TENM2: variants seen among roughly 807,000 people sequenced by gnomAD.
TENM2 encodes teneurin transmembrane protein 2, also known as teneurin-2.
TENM2 carries 52 observed loss-of-function variants against 245.2 expected under a neutral mutation model. The ratio of observed to expected loss-of-function variants is 0.21; its 90% CI spans 0.17 to 0.27. The LOEUF is 0.27. Among genes scored for constraint, TENM2 ranks in the 10% least tolerant of loss-of-function variants. The probability of loss-of-function intolerance (pLI) is 1.00; values close to 1 mark genes in which losing one functional copy is unlikely to be tolerated. For synonymous variants in TENM2, 1,363 were observed against 1,438.9 expected (o/e 0.95, Z 1.19); for missense variants, 3,046 against 3,666.8 (o/e 0.83, Z 4.37).
intron 4 of TENM2, 76 bp downstream of exon 6, chr5:167,952,898 G>C: frequency 8.1e-7 from 1 of 1,237,472 alleles, no homozygotes; most frequent in Non-Finnish European, 1.2e-6. Context: ...GCCACTGGGT[G>C]TCTCAGAGTT....
chr5:167,997,033 C>T (rs1419239419), intron 5 of TENM2, among the ~76,000 whole-genome samples: 1 of 152,146 alleles, frequency 6.6e-6, no homozygotes, highest in Admixed American at 6.5e-5. Flanking sequence ...GCCACCACAC[C>T]CAGCCCATTT....
rs1561968212 is a variant in TENM2 at position 167,452,950 on chromosome 5, T to TATATATTTTTTAA, written c.502+77483_502+77484insTTTTTAAATATAT. ...TATGATTTATATATATATATATATATATATATATATATTTAAAAAAAAAAA... is the reference window on the plus strand; with the variant it reads ...TATGATTTATATATATATATATATATATATATTTTTTAAATATATATATATTTAAAAAAAAAAA... On this transcript the variant is annotated intron_variant, in intron 2 of 28. Transcript: ENST00000518659. Among the ~76,000 whole-genome samples the TATATATTTTTTAA allele has an allele frequency of 6.0e-5, 6 of 99,650 alleles. No homozygotes were observed. The East Asian group carries it at 8.7e-4, about 14-fold the overall frequency. The allele number at this position is 99,650 out of a possible 152,430, so 65.4% of individuals were successfully genotyped here. A position where few individuals can be genotyped will look rare whatever the true frequency, so the allele number is the denominator to read the frequency against.
At chr5:167,533,530 G>T (rs531339562) in intron 2 of TENM2, among the ~76,000 whole-genome samples, 1 of 152,214 alleles carries the variant, frequency 6.6e-6, no homozygotes, top group South Asian at 2.1e-4. Flanking sequence ...ATGGCTCACC[G>T]TAGCCTTGAC....
intron 25 of TENM2, among the ~76,000 whole-genome samples, chr5:168,230,441 A>G (rs1357611183): frequency 6.6e-6 from 1 of 152,218 alleles, no homozygotes; most frequent in East Asian, 1.9e-4. Context: ...AAATGGCAGG[A>G]GAGCAGTTGG....
At chr5:167,372,793 G>A (rs1221672594) in intron 1 of TENM2, among the ~76,000 whole-genome samples, 2 of 152,166 alleles carry the variant, frequency 1.3e-5, no homozygotes, top group African/African-American at 4.8e-5. Context: ...ATGACTTAAG[G>A]ATGAGAAAAG....
chr5:167,826,168 A>G (rs1767961225), intron 2 of TENM2, among the ~76,000 whole-genome samples: 1 of 152,222 alleles, frequency 6.6e-6, no homozygotes, highest in Non-Finnish European at 1.5e-5. Context: ...AACAGACTTT[A>G]CTGAAAGTTT....
rs1403991326 is a variant in TENM2 at position 167,974,024 on chromosome 5, GA to G, written c.948-18918del. Reference sequence around the variant, plus strand: ...GAAAGGGAGGGAGGGAGGGAGGGAGGAAGGAAGGAAGGAGAAGGAAGGAAGG... The same window carrying G: ...GAAAGGGAGGGAGGGAGGGAGGGAGGAGGAAGGAAGGAGAAGGAAGGAAGG... On this transcript the variant is annotated intron_variant, in intron 4 of 28. Coordinates refer to ENST00000518659, the Ensembl canonical transcript of TENM2. 1.4e-3 allele frequency among the ~76,000 whole-genome samples: 105 copies of G among 74,276 alleles called. 2 individuals are homozygous for G. Among genetic ancestry groups the G allele is most frequent in the East Asian group, 4.3e-3 (1 of 234 alleles). 48.7% of individuals were successfully genotyped at this position (74,276 alleles called of 152,430 possible).
intron 5 of TENM2, among the ~76,000 whole-genome samples, chr5:168,034,041 ATG>A (rs200340241): frequency 0.2 from 25,989 of 131,242 alleles, 3,529 homozygotes; most frequent in Admixed American, 0.31. Flanking sequence ...ATATATATAT[ATG>A]TGTGTGTATA....
At chr5:167,928,333 A>G (rs1204520247) in intron 3 of TENM2, among the ~76,000 whole-genome samples, 1 of 152,188 alleles carries the variant, frequency 6.6e-6, no homozygotes, top group Non-Finnish European at 1.5e-5. Flanking sequence ...TTGGATGACA[A>G]TGAGTTTAAT....
intron 1 of TENM2, among the ~76,000 whole-genome samples, chr5:167,286,086 C>A (rs1160106741): frequency 6.6e-6 from 1 of 152,172 alleles, no homozygotes; most frequent in Non-Finnish European, 1.5e-5. Flanking sequence ...TTAATTAGCA[C>A]TATGCCCACG....
At chr5:167,267,508 C>T in the TENM2 span, among the ~76,000 whole-genome samples, 1 of 152,054 alleles carries the variant, frequency 6.6e-6, no homozygotes, top group South Asian at 2.1e-4. Flanking sequence ...GGAATATTCC[C>T]CTCTCAAAAA....
At chr5:167,194,886 A>G in the TENM2 span, among the ~76,000 whole-genome samples, 1 of 151,994 alleles carries the variant, frequency 6.6e-6, no homozygotes. Flanking sequence ...CTTTGATTCT[A>G]AATTATACGG....
At chr5:168,115,011 C>T (rs530953592) in intron 9 of TENM2, among the ~76,000 whole-genome samples, 3 of 152,042 alleles carry the variant, frequency 2.0e-5, no homozygotes, top group South Asian at 2.1e-4. Context: ...GAAAATAATT[C>T]GGTCAGGCAC....
At chr5:167,582,093 G>T (rs1298280939) in intron 2 of TENM2, among the ~76,000 whole-genome samples, 1 of 152,068 alleles carries the variant, frequency 6.6e-6, no homozygotes, top group Non-Finnish European at 1.5e-5. Flanking sequence ...CATAAATCTG[G>T]CTTTATGGAA....
chr5:167,104,231 G>A, the TENM2 span, among the ~76,000 whole-genome samples: 1 of 152,010 alleles, frequency 6.6e-6, no homozygotes, highest in East Asian at 1.9e-4. Context: ...GCTACTTGGC[G>A]GGTACTCATT....
At chr5:167,129,864 T>A in the TENM2 span, among the ~76,000 whole-genome samples, 2 of 152,116 alleles carry the variant, frequency 1.3e-5, no homozygotes, top group Admixed American at 6.5e-5. Context: ...TGATTATGCA[T>A]CGTCTAATAT....
At chr5:167,259,025 G>T in the TENM2 span, among the ~76,000 whole-genome samples, 2 of 152,160 alleles carry the variant, frequency 1.3e-5, no homozygotes, top group Admixed American at 6.6e-5. Context: ...AACACAGAGT[G>T]CAGGGTCCCA....
intron 11 of TENM2, 84 bp from the exon 14 acceptor site, chr5:168,126,670 G>A (rs113508115): frequency 8.5e-7 from 1 of 1,176,716 alleles, no homozygotes; most frequent in East Asian, 2.6e-5. Flanking sequence ...CTGCTCCAGG[G>A]GTCTGGGCCA....
intron 5 of TENM2, among the ~76,000 whole-genome samples, chr5:168,018,073 G>T (rs1406660984): frequency 6.6e-6 from 1 of 152,192 alleles, no homozygotes; most frequent in East Asian, 1.9e-4. Flanking sequence ...GCAAAATGGA[G>T]AAATTAACTG....
Sources: gnomAD v4.1 joint callset for allele counts (sites outside exome capture counted in the v4.1 genomes callset) on GRCh38, gnomAD v4.1.1 for gene constraint, MANE v1.5 for transcripts, NCBI Gene and HGNC (gene_info 2026-07-23, HGNC 2026-07-21) for gene names.